SDK1: variants seen among roughly 807,000 people sequenced by gnomAD.
The protein encoded by SDK1 is sidekick cell adhesion molecule 1, also known as protein sidekick-1.
In SDK1, 157 loss-of-function variants were observed where a neutral mutation model predicts 245.5. The observed-to-expected ratio is 0.64, with a 90% confidence interval of 0.56 to 0.73. The LOEUF (loss-of-function observed/expected upper bound fraction) is 0.73. Among genes scored for constraint, SDK1 ranks in the 30% least tolerant of loss-of-function variants. The pLI is 0.00. For synonymous variants in SDK1, 1,647 were observed against 1,278.5 expected (o/e 1.29, Z -6.15); for missense variants, 3,583 against 3,002.3 (o/e 1.19, Z -4.52).
chr7:4,186,126 A>AGCTG (rs1782882113), intron 35 of SDK1, among the ~76,000 whole-genome samples: 1 of 152,224 alleles, frequency 6.6e-6, no homozygotes, highest in Admixed American at 6.5e-5. Context: ...AAAATAGCAA[A>AGCTG]GCTGGCCTCA....
intron 4 of SDK1, among the ~76,000 whole-genome samples, chr7:3,782,413 T>G (rs1308739414): frequency 6.6e-6 from 1 of 152,184 alleles, no homozygotes; most frequent in African/African-American, 2.4e-5. Context: ...GATCACAGTT[T>G]ACCGTGAGAT....
intron 13 of SDK1, among the ~76,000 whole-genome samples, chr7:3,984,341 C>T (rs1400367151): frequency 6.6e-6 from 1 of 152,174 alleles, no homozygotes; most frequent in African/African-American, 2.4e-5. Context: ...GTCCACCCAC[C>T]TGGCAGATGG....
intron 4 of SDK1, among the ~76,000 whole-genome samples, chr7:3,748,661 C>T (rs1034915787): frequency 2.6e-5 from 4 of 152,166 alleles, no homozygotes; most frequent in African/African-American, 9.7e-5. Context: ...CCTCATGCTT[C>T]ATGTATTGAA....
At chr7:3,559,476 AT>A (rs1164366501) in intron 1 of SDK1, among the ~76,000 whole-genome samples, 12 of 151,396 alleles carry the variant, frequency 7.9e-5, no homozygotes, top group South Asian at 2.1e-4. Flanking sequence ...AATGTTTCAA[AT>A]TTTTTTTTAA....
intron 1 of SDK1, among the ~76,000 whole-genome samples, chr7:3,482,026 T>TA (rs60021973): frequency 0.24 from 36,583 of 151,752 alleles, 4,562 homozygotes; most frequent in South Asian, 0.3. Context: ...TCAAAACATA[T>TA]AAAAATGTCA....
At chr7:3,629,135 G>A (rs4720000) in intron 2 of SDK1, among the ~76,000 whole-genome samples, 95,603 of 148,482 alleles carry the variant, frequency 0.64, 31,005 homozygotes, top group South Asian at 0.78. Flanking sequence ...TACTAAAAAT[G>A]CAAAAAAAAA....
intron 14 of SDK1, among the ~76,000 whole-genome samples, chr7:3,998,436 G>T (rs533106713): frequency 2.0e-5 from 3 of 152,208 alleles, no homozygotes; most frequent in African/African-American, 7.2e-5. Context: ...TTAAAATTAT[G>T]TAGGAAAATG....
chr7:3,800,899 G>T (rs543185570), intron 4 of SDK1, among the ~76,000 whole-genome samples: 1 of 152,180 alleles, frequency 6.6e-6, no homozygotes, highest in East Asian at 1.9e-4. Flanking sequence ...TTGGCCTAGT[G>T]GACTTGTCCT....
chr7:3,933,752 T>A (rs1780061784), intron 5 of SDK1, among the ~76,000 whole-genome samples: 1 of 152,244 alleles, frequency 6.6e-6, no homozygotes, highest in African/African-American at 2.4e-5. Flanking sequence ...CTGTTCCAGG[T>A]ACTACTGCCT....
At chr7:4,169,394 G>T (rs1461865514) in intron 32 of SDK1, among the ~76,000 whole-genome samples, 1 of 152,112 alleles carries the variant, frequency 6.6e-6, no homozygotes, top group Non-Finnish European at 1.5e-5. Flanking sequence ...TGCCCTTCAT[G>T]CCCCTCGCTC....
chr7:3,555,167 A>G (rs1462634009), intron 1 of SDK1, among the ~76,000 whole-genome samples: 1 of 152,210 alleles, frequency 6.6e-6, no homozygotes, highest in Admixed American at 6.5e-5. Flanking sequence ...AGTCACATTT[A>G]CATGACTTGA....
At chr7:4,108,505 C>G (rs1472066812) in intron 22 of SDK1, among the ~76,000 whole-genome samples, 1 of 151,988 alleles carries the variant, frequency 6.6e-6, no homozygotes, top group Non-Finnish European at 1.5e-5. Flanking sequence ...GGGACTTGCC[C>G]CCTTTGCCTC....
chr7:4,268,096 A>T lies in SDK1; in HGVS notation c.*2712A>T. On this transcript the variant is annotated 3_prime_UTR_variant, in exon 45 of 45. Coordinates refer to ENST00000404826, the MANE Select transcript of SDK1 (RefSeq NM_152744.4). The stretch of plus-strand genomic sequence containing the variant: ...AATGTCTCTAAGCCAGGCTAGATGG[A>T]ATGTGCTCCCGCTCTCTCCTGCCGT... 1.0e-6 allele frequency: 1 copy of T among 985,538 alleles called. No individual in the cohort carries two copies. The highest frequency in any genetic ancestry group is 1.2e-6 in the Non-Finnish European group (1 of 830,000). 61.0% of individuals were successfully genotyped at this position (985,538 alleles called of 1,614,324 possible).
chr7:3,738,188 G>A (rs1779374851), intron 4 of SDK1, among the ~76,000 whole-genome samples: 1 of 152,162 alleles, frequency 6.6e-6, no homozygotes, highest in Non-Finnish European at 1.5e-5. Context: ...TAGGTCTTAG[G>A]TTTAAATCTT....
Position 3,626,599 on chromosome 7 carries a change from A to G in SDK1, c.458+7360A>G, listed in dbSNP as rs182722215. 2.4e-3 allele frequency among the ~76,000 whole-genome samples: 363 copies of G among 152,300 alleles called. 1 individual carries two copies. Among genetic ancestry groups the G allele is most frequent in the Non-Finnish European group, 3.8e-3 (260 of 68,032 alleles). ...TAGGGCCATGGATTCTCTAATTACA[A>G]CTGGTCTTGCGAGTACTAAGAGATA... On this transcript the variant is annotated intron_variant, in intron 2 of 44. Coordinates refer to ENST00000404826, the MANE Select transcript of SDK1 (RefSeq NM_152744.4).
chr7:3,352,929 A>C (rs1235392693), intron 1 of SDK1, among the ~76,000 whole-genome samples: 1 of 152,110 alleles, frequency 6.6e-6, no homozygotes, highest in Non-Finnish European at 1.5e-5. Flanking sequence ...CACATCATGG[A>C]TGCAGGAACA....
intron 13 of SDK1, among the ~76,000 whole-genome samples, chr7:3,975,726 A>C (rs966726496): frequency 2.6e-4 from 39 of 152,252 alleles, no homozygotes; most frequent in African/African-American, 8.4e-4. Context: ...TGTCATCAGT[A>C]CCTGAAAAAC....
In SDK1 at chr7:4,129,828, G is replaced by A. The variant is rs539891537; in HGVS notation, c.3940-80G>A. 1,444 of 1,580,128 alleles carry A rather than the reference G, an allele frequency of 9.1e-4. 3 individuals are homozygous for A. Among genetic ancestry groups the A allele is most frequent in the Non-Finnish European group, 1.1e-3 (1,285 of 1,163,504 alleles). ...CACAGTTGGCTGGGCCTTGATTCAC[G>A]AAGGGGGCCTGCCCCATGCCACGGC... On this transcript the variant is annotated intron_variant, in intron 26 of 44. Transcript: ENST00000404826.
rs576432806 is a variant in SDK1, at chr7:4,258,886, G to A, written c.6382-6238G>A. ...ACCTAGCACTAAATTTCTGTCATTCGTTCCTAAATATTCTGTGAATTTCTC... is the reference window on the plus strand; with the variant it reads ...ACCTAGCACTAAATTTCTGTCATTCATTCCTAAATATTCTGTGAATTTCTC... On this transcript the variant is annotated intron_variant, in intron 44 of 44. Transcript: ENST00000404826. 4.6e-5 allele frequency among the ~76,000 whole-genome samples: 7 copies of A among 152,270 alleles called. No individual in the cohort carries two copies. The South Asian group carries it at 6.2e-4, about 13-fold the overall frequency.
Sources: allele counts gnomAD v4.1 joint callset (sites outside exome capture counted in the v4.1 genomes callset), GRCh38; gene constraint gnomAD v4.1.1; transcripts MANE v1.5; gene names NCBI Gene and HGNC (gene_info 2026-07-23, HGNC 2026-07-21).